The following COX7B2 variants were observed in gnomAD, a reference collection of about 807,000 sequenced individuals.
The protein encoded by COX7B2 is cytochrome c oxidase subunit 7B2, mitochondrial.
For synonymous variants in COX7B2, 37 were observed against 32.1 expected, an observed-to-expected ratio of 1.15 and a Z score of -0.51; for missense variants, 109 against 95.9, an observed-to-expected ratio of 1.14 and a Z score of -0.57.
intron 1 of COX7B2, among the ~76,000 whole-genome samples, chr4:46,867,097 T>C (rs370208901): frequency 6.6e-6 from 1 of 152,308 alleles, no homozygotes; most frequent in East Asian, 1.9e-4. Flanking sequence ...AACAATTCCA[T>C]TTAAAGACAA....
At chr4:46,873,571 G>A (rs1718138278) in intron 1 of COX7B2, among the ~76,000 whole-genome samples, 1 of 152,106 alleles carries the variant, frequency 6.6e-6, no homozygotes, top group Non-Finnish European at 1.5e-5. Context: ...AACGACCAGT[G>A]AAGATGAGCA....
intron 2 of COX7B2, among the ~76,000 whole-genome samples, chr4:46,796,594 A>G (rs28892381): frequency 0.13 from 11,059 of 85,314 alleles, 116 homozygotes; most frequent in South Asian, 0.29. Flanking sequence ...ATTACTGGGT[A>G]TATACCCAAA....
At chr4:46,763,193 A>T (rs1716324374) in intron 2 of COX7B2, among the ~76,000 whole-genome samples, 1 of 137,332 alleles carries the variant, frequency 7.3e-6, no homozygotes, top group South Asian at 2.1e-4. Context: ...GTAAATATAT[A>T]ATATATGATA....
At chr4:46,844,193 A>T (rs143075834) in intron 2 of COX7B2, among the ~76,000 whole-genome samples, 23 of 152,108 alleles carry the variant, frequency 1.5e-4, no homozygotes, top group African/African-American at 4.6e-4. Flanking sequence ...AGTTATTACC[A>T]CCAAATAACT....
chr4:46,842,824 G>C (rs566724745), intron 2 of COX7B2, among the ~76,000 whole-genome samples: 213 of 152,032 alleles, frequency 1.4e-3, no homozygotes, highest in Non-Finnish European at 2.3e-3. Flanking sequence ...AGGTTGGTTC[G>C]AAGTCTTTGC....
Position 46,734,926 on chromosome 4 carries a change from T to G in COX7B2, c.*21A>C. 1 of 1,613,864 alleles carries G rather than the reference T, an allele frequency of 6.2e-7. No individual in the cohort carries two copies. Among genetic ancestry groups the G allele is most frequent in the Non-Finnish European group, 8.5e-7 (1 of 1,179,824 alleles). The stretch of plus-strand genomic sequence containing the variant: ...CAAGTTGGTTTTTTAAACAATTCTG[T>G]CATTACAGCAACTGTGATGGTTACT... On this transcript the variant is annotated 3_prime_UTR_variant, in exon 3 of 3. Coordinates refer to ENST00000355591, the MANE Select transcript of COX7B2 (RefSeq NM_130902.3).
intron 2 of COX7B2, among the ~76,000 whole-genome samples, chr4:46,800,786 G>T (rs557420131): frequency 1.0e-3 from 158 of 152,154 alleles, no homozygotes; most frequent in African/African-American, 3.6e-3. Context: ...CACAGCAAAA[G>T]AAACAGAATA....
At chr4:46,888,353 T>C (rs1328452589) in intron 1 of COX7B2, among the ~76,000 whole-genome samples, 1 of 152,208 alleles carries the variant, frequency 6.6e-6, no homozygotes, top group African/African-American at 2.4e-5. Flanking sequence ...AATTTAATTT[T>C]TTTAAATATT....
chr4:46,837,165 A>G (rs981009378), intron 2 of COX7B2, among the ~76,000 whole-genome samples: 2 of 151,982 alleles, frequency 1.3e-5, no homozygotes, highest in Admixed American at 6.6e-5. Context: ...CTCAATAAAA[A>G]TGTAGTAGTT....
intron 2 of COX7B2, among the ~76,000 whole-genome samples, chr4:46,746,405 G>A (rs529921581): frequency 2.6e-5 from 4 of 152,122 alleles, no homozygotes; most frequent in South Asian, 4.2e-4. Flanking sequence ...AACAGGTAAG[G>A]GACCTAAATC....
At chr4:46,812,341 G>A (rs906264282) in intron 2 of COX7B2, among the ~76,000 whole-genome samples, 5 of 150,284 alleles carry the variant, frequency 3.3e-5, no homozygotes, top group Non-Finnish European at 5.9e-5. Flanking sequence ...CTGACCCTGG[G>A]AGGCACCAGC....
intron 1 of COX7B2, among the ~76,000 whole-genome samples, chr4:46,845,585 A>G (rs1716227261): frequency 6.6e-6 from 1 of 152,054 alleles, no homozygotes; most frequent in Non-Finnish European, 1.5e-5. Context: ...ACTACTTTAG[A>G]GTATATGTGC....
At chr4:46,892,389 T>C (rs1173736244) in intron 1 of COX7B2, among the ~76,000 whole-genome samples, 1 of 152,186 alleles carries the variant, frequency 6.6e-6, no homozygotes, top group Non-Finnish European at 1.5e-5. Flanking sequence ...TTACTTCTAT[T>C]ATCCATGAGG....
At chr4:46,803,182 G>A (rs1412473341) in intron 2 of COX7B2, among the ~76,000 whole-genome samples, 4 of 151,986 alleles carry the variant, frequency 2.6e-5, no homozygotes, top group Non-Finnish European at 5.9e-5. Flanking sequence ...TGATTCTATG[G>A]GTTGTAGCAT....
chr4:46,883,862 A>G (rs879793658), intron 1 of COX7B2, among the ~76,000 whole-genome samples: 6 of 152,134 alleles, frequency 3.9e-5, no homozygotes, highest in Non-Finnish European at 8.8e-5. Context: ...GAAGTTTCAA[A>G]CATTATCTTG....
chr4:46,786,726 A>C (rs1717770604), intron 2 of COX7B2, among the ~76,000 whole-genome samples: 1 of 152,172 alleles, frequency 6.6e-6, no homozygotes, highest in African/African-American at 2.4e-5. Context: ...AAAATCACTG[A>C]CGAGATTATG....
intron 2 of COX7B2, among the ~76,000 whole-genome samples, chr4:46,776,436 G>A (rs1018617340): frequency 6.6e-6 from 1 of 151,722 alleles, no homozygotes; most frequent in African/African-American, 2.4e-5. Flanking sequence ...GTGTGTCTGT[G>A]TGTCTGTGTG....
At chr4:46,779,416 C>T (rs527595240) in intron 2 of COX7B2, among the ~76,000 whole-genome samples, 3 of 152,236 alleles carry the variant, frequency 2.0e-5, no homozygotes, top group African/African-American at 4.8e-5. Context: ...TTTATCCAGT[C>T]ATCCATTGAT....
At chr4:46,790,856 T>C (rs1398807974) in intron 2 of COX7B2, among the ~76,000 whole-genome samples, 1 of 152,204 alleles carries the variant, frequency 6.6e-6, no homozygotes, top group East Asian at 1.9e-4. Flanking sequence ...AATCAAACCC[T>C]AGGTTTATTA....
Sources: allele counts gnomAD v4.1 joint callset (sites outside exome capture counted in the v4.1 genomes callset), GRCh38; gene constraint gnomAD v4.1.1; transcripts MANE v1.5; gene names NCBI Gene and HGNC (gene_info 2026-07-23, HGNC 2026-07-21).